The following HP1BP3 variants were observed in gnomAD, a reference collection of about 807,000 sequenced individuals.
HP1BP3 encodes heterochromatin protein 1 binding protein 3.
In HP1BP3, 12 loss-of-function variants were observed where a neutral mutation model predicts 62.5. That is an observed-to-expected ratio of 0.19 (90% CI 0.12 to 0.31). HP1BP3 has a LOEUF of 0.31. HP1BP3 is among the 10% of genes least tolerant of loss of function. The pLI is 1.00. For synonymous variants in HP1BP3, 260 were observed against 237.8 expected, an observed-to-expected ratio of 1.09 and a Z score of -0.86; for missense variants, 502 against 651.8, an observed-to-expected ratio of 0.77 and a Z score of 2.50.
rs1157636739 is a variant in HP1BP3, at chr1:20,776,617, A to C, written c.330T>G (p.Ser110=). 4.3e-6 allele frequency: 7 copies of C among 1,612,934 alleles called. No homozygotes were observed. In the South Asian group the frequency reaches 5.5e-5, roughly 13 times the overall value. ...PENEEKEENK[S]SEETKKDEKD... ...CTTACTCCTTTTTGGTTTCCTCAGAAGACTTATTTTCTTCCTTCTCTTCAT... is the reference window on the plus strand; with the variant it reads ...CTTACTCCTTTTTGGTTTCCTCAGACGACTTATTTTCTTCCTTCTCTTCAT... Residue 110 remains serine, a synonymous_variant, in exon 4 of 13, where the codon TCT becomes TCG. Transcript: ENST00000438032.
chr1:20,755,754 C>T (rs2056067182), intron 9 of HP1BP3, among the ~76,000 whole-genome samples: 1 of 152,142 alleles, frequency 6.6e-6, no homozygotes, highest in South Asian at 2.1e-4. Flanking sequence ...CCATCATCAT[C>T]TCATGAATGG....
intron 6 of HP1BP3, among the ~76,000 whole-genome samples, chr1:20,767,865 G>A (rs1405596553): frequency 6.6e-6 from 1 of 151,788 alleles, no homozygotes; most frequent in Non-Finnish European, 1.5e-5. Flanking sequence ...GAGTAATACT[G>A]GACAACCCAG....
At chr1:20,771,761 G>T (rs540174681) in intron 5 of HP1BP3, among the ~76,000 whole-genome samples, 19 of 152,074 alleles carry the variant, frequency 1.2e-4, no homozygotes, top group Non-Finnish European at 2.5e-4. Flanking sequence ...TTTCCAACTG[G>T]TCACTGACTT....
At chr1:20,751,080 G>A (rs970294983) in intron 9 of HP1BP3, among the ~76,000 whole-genome samples, 27 of 152,018 alleles carry the variant, frequency 1.8e-4, no homozygotes, top group East Asian at 1.9e-4. Flanking sequence ...GCCTCCTGAC[G>A]TGCTGGGATT....
At chr1:20,765,634 T>C (rs924245228) in intron 7 of HP1BP3, 103 bp from the exon 8 acceptor site, 7 of 883,058 alleles carry the variant, frequency 7.9e-6, no homozygotes, top group African/African-American at 3.5e-5. Flanking sequence ...GTCAATTTTA[T>C]GGCAATTTCT....
At chr1:20,776,089 C>A in intron 4 of HP1BP3, 7 of 1,210,952 alleles carry the variant, frequency 5.8e-6, no homozygotes, top group Non-Finnish European at 7.8e-6. Context: ...GCAAATTTTA[C>A]TTTCAGATTC....
At chr1:20,777,175 G>A (rs1274666057) in intron 3 of HP1BP3, among the ~76,000 whole-genome samples, 1 of 151,868 alleles carries the variant, frequency 6.6e-6, no homozygotes, top group South Asian at 2.1e-4. Context: ...GAACATGGAG[G>A]TCTGCTGCTA....
intron 6 of HP1BP3, among the ~76,000 whole-genome samples, chr1:20,768,298 T>C (rs1396808121): frequency 3.3e-5 from 5 of 152,026 alleles, no homozygotes; most frequent in African/African-American, 9.7e-5. Context: ...TACAAAAAAT[T>C]AGCCGGGCGT....
At chr1:20,759,663 A>G (rs1195491713) in intron 8 of HP1BP3, among the ~76,000 whole-genome samples, 2 of 152,164 alleles carry the variant, frequency 1.3e-5, no homozygotes, top group Non-Finnish European at 2.9e-5. Flanking sequence ...CCCAAGTAAC[A>G]AGAATAATAA....
intron 3 of HP1BP3, among the ~76,000 whole-genome samples, chr1:20,777,159 T>C (rs1322534759): frequency 2.0e-5 from 3 of 151,984 alleles, no homozygotes; most frequent in East Asian, 1.9e-4. Flanking sequence ...AGTAGAAATA[T>C]GAGGGGAACA....
chr1:20,772,662 T>C (rs1177835192), intron 5 of HP1BP3, among the ~76,000 whole-genome samples: 1 of 152,048 alleles, frequency 6.6e-6, no homozygotes, highest in East Asian at 1.9e-4. Flanking sequence ...GTTAAAATCA[T>C]CTGTATCCCT....
rs937053001 is a variant in HP1BP3 at position 20,743,721 on chromosome 1, G to A, written c.*1076C>T. On this transcript the variant is annotated 3_prime_UTR_variant, in exon 13 of 13. Coordinates refer to ENST00000438032, the MANE Select transcript of HP1BP3 (RefSeq NM_001372052.1). Reference sequence around the variant, plus strand: ...TGTTTTGATTTTTGGTAACACAGGTGACACCAGAAATCACAAATCAATATA... The same window carrying A: ...TGTTTTGATTTTTGGTAACACAGGTAACACCAGAAATCACAAATCAATATA... The A allele has an allele frequency of 6.6e-6, 1 of 151,940 alleles. No homozygotes were observed. Among genetic ancestry groups the A allele is most frequent in the Non-Finnish European group, 1.5e-5 (1 of 68,004 alleles). The allele number at this position is 151,940 out of a possible 1,614,324, so 9.4% of individuals were successfully genotyped here.
intron 8 of HP1BP3, 60 bp downstream of exon 8, chr1:20,765,317 G>A: frequency 8.7e-7 from 1 of 1,147,500 alleles, no homozygotes; most frequent in Non-Finnish European, 1.2e-6. Context: ...CTTTTCCCAT[G>A]AAAAGGGAGC....
chr1:20,781,664 T>C (rs2057555618), intron 1 of HP1BP3, among the ~76,000 whole-genome samples: 1 of 152,244 alleles, frequency 6.6e-6, no homozygotes, highest in South Asian at 2.1e-4. Context: ...TCTTGCTCTG[T>C]TGCCCAGGCT....
chr1:20,774,254 A>G (rs2057191823), intron 4 of HP1BP3: 1 of 152,208 alleles, frequency 6.6e-6, no homozygotes, highest in African/African-American at 2.4e-5. Context: ...CTGTAATCCC[A>G]GCAATTTAGG....
At chr1:20,757,591 G>A (rs867696928) in intron 8 of HP1BP3, among the ~76,000 whole-genome samples, 1 of 151,828 alleles carries the variant, frequency 6.6e-6, no homozygotes, top group African/African-American at 2.4e-5. Flanking sequence ...GGCTGGTCTC[G>A]AACTCCCGAC....
chr1:20,748,554 G>A (rs1295421194), intron 10 of HP1BP3, among the ~76,000 whole-genome samples: 1 of 152,128 alleles, frequency 6.6e-6, no homozygotes, highest in Non-Finnish European at 1.5e-5. Context: ...AGATCATCTT[G>A]GCTAATACGG....
At chr1:20,779,365 C>A (rs1391083484) in intron 3 of HP1BP3, among the ~76,000 whole-genome samples, 2 of 152,120 alleles carry the variant, frequency 1.3e-5, no homozygotes. Context: ...CACTGACTGG[C>A]CAATCTTCTC....
At position 20,743,761 on chromosome 1, in the gene HP1BP3, C is replaced by G. The variant is rs1385980763; in HGVS notation, c.*1036G>C. On this transcript the variant is annotated 3_prime_UTR_variant, in exon 13 of 13. Coordinates refer to ENST00000438032, the MANE Select transcript of HP1BP3 (RefSeq NM_001372052.1). ...AAATCAATATATTTCTACACTTCCC[C>G]TTCAGTCAAAAACCAAGTGGGATAG... 6.6e-6 allele frequency: 1 copy of G among 152,012 alleles called. No homozygotes were observed. Among genetic ancestry groups the G allele is most frequent in the Non-Finnish European group, 1.5e-5 (1 of 67,994 alleles). The allele number at this position is 152,012 out of a possible 1,614,324, so 9.4% of individuals were successfully genotyped here.
Sources: gnomAD v4.1 joint callset for allele counts (sites outside exome capture counted in the v4.1 genomes callset) on GRCh38, gnomAD v4.1.1 for gene constraint, MANE v1.5 for transcripts, NCBI Gene and HGNC (gene_info 2026-07-23, HGNC 2026-07-21) for gene names.